Variants in ZNF148 observed in about 807,000 individuals in gnomAD.
The protein encoded by ZNF148 is zinc finger protein 148.
A neutral mutation model predicts 67.7 loss-of-function variants in ZNF148; 7 were observed. The observed-to-expected ratio is 0.10, with a 90% CI of 0.06 to 0.19. The LOEUF (loss-of-function observed/expected upper bound fraction) is 0.19. Among genes scored for constraint, ZNF148 ranks in the 10% least tolerant of loss-of-function variants. The pLI, the probability that ZNF148 is intolerant of heterozygous loss-of-function variation, is 1.00. For missense variants in ZNF148, 583 were observed against 947.1 expected (o/e 0.62, Z 5.05); for synonymous variants, 333 against 330.7 (o/e 1.01, Z -0.08).
chr3:125,359,507 T>C (rs1326296037), intron 1 of ZNF148, among the ~76,000 whole-genome samples: 3 of 152,196 alleles, frequency 2.0e-5, no homozygotes, highest in Non-Finnish European at 2.9e-5. Flanking sequence ...AAAGTCATTA[T>C]AGACAAAAAA....
chr3:125,242,473 C>A (rs141472910), intron 7 of ZNF148, among the ~76,000 whole-genome samples: 3 of 151,984 alleles, frequency 2.0e-5, no homozygotes, highest in Non-Finnish European at 2.9e-5. Flanking sequence ...AAATACAAAA[C>A]TTAGCCAAGC....
chr3:125,345,496 A>G (rs1941906994), intron 1 of ZNF148, among the ~76,000 whole-genome samples: 1 of 152,060 alleles, frequency 6.6e-6, no homozygotes, highest in Non-Finnish European at 1.5e-5. Flanking sequence ...CCAAAGCAAG[A>G]AGGAAGGAAT....
Position 125,302,357 on chromosome 3 carries a change from G to A in ZNF148, c.333+10951C>T, listed in dbSNP as rs1424605981. Among the ~76,000 whole-genome samples the A allele has an allele frequency of 7.4e-5, 11 of 147,974 alleles. No homozygotes were observed. In the South Asian group the frequency reaches 1.9e-3, roughly 26 times the overall value. On this transcript the variant is annotated intron_variant, in intron 4 of 8. Coordinates refer to ENST00000360647, the MANE Select transcript of ZNF148 (RefSeq NM_021964.3). Reference sequence around the variant, plus strand: ...CATGCCACTGCACTCCAGCCTGGGTGACAGAACAAGACCCTGTCTCAAAAA... The same window carrying A: ...CATGCCACTGCACTCCAGCCTGGGTAACAGAACAAGACCCTGTCTCAAAAA...
intron 4 of ZNF148, among the ~76,000 whole-genome samples, chr3:125,306,429 A>G (rs1939879492): frequency 6.6e-6 from 1 of 152,130 alleles, no homozygotes; most frequent in Admixed American, 6.5e-5. Flanking sequence ...TATTATACCA[A>G]TATCAGGAAT....
chr3:125,338,944 C>T (rs1332518265), intron 1 of ZNF148: 3 of 152,032 alleles, frequency 2.0e-5, no homozygotes, highest in Non-Finnish European at 4.4e-5. Context: ...AGTCACTGAG[C>T]GAAGGGAATC....
chr3:125,248,838 T>C (rs1936711938), intron 7 of ZNF148, among the ~76,000 whole-genome samples: 2 of 152,152 alleles, frequency 1.3e-5, no homozygotes, highest in South Asian at 4.1e-4. Context: ...GGCTGTCAAT[T>C]AAATATCTAA....
chr3:125,332,261 T>C (rs1032518845), intron 1 of ZNF148, among the ~76,000 whole-genome samples: 5 of 152,192 alleles, frequency 3.3e-5, no homozygotes, highest in African/African-American at 1.2e-4. Flanking sequence ...TTTAAAATAC[T>C]TGATTTCTAC....
In ZNF148 at chr3:125,230,906, C is replaced by T. The variant is rs976805911; in HGVS notation, c.*1435G>A. 13 of 151,926 alleles carry T rather than the reference C, an allele frequency of 8.6e-5. No homozygotes were observed. Among genetic ancestry groups the T allele is most frequent in the African/African-American group, 2.9e-4 (12 of 41,270 alleles). The allele number at this position is 151,926 out of a possible 1,614,324, so 9.4% of individuals were successfully genotyped here. Reference sequence around the variant, plus strand: ...AAACTGCCCAACGCATAACTCAAACCATCATTCTTCAGAAAAGTGTGTGTG... The same window carrying T: ...AAACTGCCCAACGCATAACTCAAACTATCATTCTTCAGAAAAGTGTGTGTG... On this transcript the variant is annotated 3_prime_UTR_variant, in exon 9 of 9. Coordinates refer to ENST00000360647, the MANE Select transcript of ZNF148 (RefSeq NM_021964.3).
intron 3 of ZNF148, among the ~76,000 whole-genome samples, chr3:125,314,309 C>T (rs1414807755): frequency 6.6e-6 from 1 of 152,100 alleles, no homozygotes; most frequent in African/African-American, 2.4e-5. Context: ...TGTACATATT[C>T]TTTGAACAAG....
intron 5 of ZNF148, among the ~76,000 whole-genome samples, chr3:125,285,603 A>G (rs1222445086): frequency 6.6e-6 from 1 of 151,848 alleles, no homozygotes; most frequent in Non-Finnish European, 1.5e-5. Context: ...AATGTTGCCC[A>G]GGATGGTCTT....
intron 4 of ZNF148, among the ~76,000 whole-genome samples, chr3:125,306,346 C>T (rs575360200): frequency 1.3e-5 from 2 of 151,778 alleles, no homozygotes; most frequent in African/African-American, 4.8e-5. Flanking sequence ...TCGATAAAAC[C>T]GAAACTTCAC....
intron 1 of ZNF148, among the ~76,000 whole-genome samples, chr3:125,359,539 G>T (rs1942471502): frequency 6.6e-6 from 1 of 152,094 alleles, no homozygotes; most frequent in South Asian, 2.1e-4. Context: ...GTCCACTTTA[G>T]TTCCCTTAGG....
At chr3:125,310,208 T>C (rs375357698) in intron 4 of ZNF148, among the ~76,000 whole-genome samples, 3 of 151,288 alleles carry the variant, frequency 2.0e-5, no homozygotes, top group Non-Finnish European at 4.4e-5. Flanking sequence ...GCCTCCCACA[T>C]AGCTGGGATT....
rs550819001 is a variant in ZNF148 at position 125,335,936 on chromosome 3, A to C, written c.-233-4698T>G. ...TATGAATTAACGTAGCAAGATCCAG[A>C]TAAGAGATGTGTTAGAAGAAACTCC... On this transcript the variant is annotated intron_variant, in intron 1 of 8. Coordinates refer to ENST00000360647, the MANE Select transcript of ZNF148 (RefSeq NM_021964.3). Among the ~76,000 whole-genome samples the C allele has an allele frequency of 2.0e-5, 3 of 152,342 alleles. No individual in the cohort carries two copies. The East Asian group carries it at 5.8e-4, about 29-fold the overall frequency.
chr3:125,260,020 G>C (rs1001228682), intron 7 of ZNF148, among the ~76,000 whole-genome samples: 1 of 152,162 alleles, frequency 6.6e-6, no homozygotes, highest in African/African-American at 2.4e-5. Flanking sequence ...AGTAGAGGCA[G>C]AGAAATGAGG....
chr3:125,335,075 AT>A (rs1188690561), intron 1 of ZNF148, among the ~76,000 whole-genome samples: 4 of 65,814 alleles, frequency 6.1e-5, no homozygotes, highest in African/African-American at 4.3e-4. Context: ...CATACACTCA[AT>A]CCCCCTTTTA....
In ZNF148 at chr3:125,306,613, C is replaced by A. The variant is rs1168848356; in HGVS notation, c.333+6695G>T. 2.6e-5 allele frequency among the ~76,000 whole-genome samples: 4 copies of A among 152,106 alleles called. No homozygotes were observed. The East Asian group carries it at 7.7e-4, about 29-fold the overall frequency. ...AATAAAATTTGTAATTTAAAACCTT[C>A]CCACAGGCTGAGGTGGGAGGCCACT... On this transcript the variant is annotated intron_variant, in intron 4 of 8. Coordinates refer to ENST00000360647, the MANE Select transcript of ZNF148 (RefSeq NM_021964.3).
At chr3:125,282,562 C>T (rs1938448319) in intron 5 of ZNF148, among the ~76,000 whole-genome samples, 1 of 152,074 alleles carries the variant, frequency 6.6e-6, no homozygotes, top group South Asian at 2.1e-4. Context: ...CAACACACTA[C>T]ATTTTTTTTC....
chr3:125,249,018 C>T (rs1025909432), intron 7 of ZNF148, among the ~76,000 whole-genome samples: 6 of 151,996 alleles, frequency 3.9e-5, no homozygotes, highest in Middle Eastern at 3.4e-3. Context: ...ACACCATACA[C>T]GAAAAAACAA....
Sources: allele counts gnomAD v4.1 joint callset (sites outside exome capture counted in the v4.1 genomes callset), GRCh38; gene constraint gnomAD v4.1.1; transcripts MANE v1.5; gene names NCBI Gene and HGNC (gene_info 2026-07-23, HGNC 2026-07-21).